Variants in PELP1 observed in about 807,000 individuals in gnomAD.
PELP1 encodes proline, glutamate and leucine rich protein 1.
PELP1 carries 32 observed loss-of-function variants against 95.5 expected under a neutral mutation model. The ratio of observed to expected loss-of-function variants is 0.34; its 90% CI spans 0.25 to 0.45. The LOEUF is 0.45. Ranked by LOEUF, PELP1 falls within the 20% of genes least tolerant of loss-of-function variation. The pLI, the probability that PELP1 is intolerant of heterozygous loss-of-function variation, is 1.00. For synonymous variants in PELP1, 668 were observed against 600.1 expected (o/e 1.11, Z -1.65); for missense variants, 1,358 against 1,444.8 (o/e 0.94, Z 0.97).
chr17:4,676,517 A>G lies in PELP1; in HGVS notation c.703-10T>C. On this transcript the variant is annotated splice_polypyrimidine_tract_variant and intron_variant, in intron 6 of 16. Coordinates refer to ENST00000572293, the MANE Select transcript of PELP1 (RefSeq NM_014389.3). ...AACACTCACAGGCCAACTGCGGGAG[A>G]AAGGACAGAAACCTGGTCAGATGGG... 6.2e-7 allele frequency: 1 copy of G among 1,613,218 alleles called. No homozygotes were observed. Among genetic ancestry groups the G allele is most frequent in the Non-Finnish European group, 8.5e-7 (1 of 1,179,642 alleles).
At chr17:4,694,356 AG>A (rs1363876472) in intron 1 of PELP1, among the ~76,000 whole-genome samples, 1 of 150,988 alleles carries the variant, frequency 6.6e-6, no homozygotes, top group East Asian at 1.9e-4. Context: ...GTATACTCTA[AG>A]TGAGTGAACT....
intron 1 of PELP1, among the ~76,000 whole-genome samples, chr17:4,702,199 G>A (rs777203630): frequency 3.3e-5 from 5 of 152,122 alleles, no homozygotes; most frequent in Non-Finnish European, 7.4e-5. Flanking sequence ...CAAGTGAATC[G>A]CCTGAACTCG....
Position 4,673,325 on chromosome 17 carries a change from C to T in PELP1, c.1770G>A (p.Pro590=), listed in dbSNP as rs55677157. ...YCLLLALLLA[P]SPRCPPPLAC... ...CAAGAGGAGGTGGGCAGCGAGGAGA[C>T]GGGGCCAGCAGCAGCGCCAGCAGCA... Residue 590 remains proline, a synonymous_variant, in exon 15 of 17, where the codon CCG becomes CCA. Transcript: ENST00000572293. The surrounding 1 kb of genome is among the most constrained non-coding windows in gnomAD (Gnocchi z 5.7). The T allele has an allele frequency of 0.2, 318,384 of 1,588,684 alleles. 35,181 individuals carry two copies. Among genetic ancestry groups the T allele is most frequent in the Non-Finnish European group, 0.23 (269,448 of 1,167,410 alleles).
Position 4,672,757 on chromosome 17 carries a change from G to C in PELP1, c.2234C>G (p.Thr745Ser). The C allele has an allele frequency of 6.2e-7, 1 of 1,613,546 alleles. No individual in the cohort carries two copies. Among genetic ancestry groups the C allele is most frequent in the Non-Finnish European group, 8.5e-7 (1 of 1,179,616 alleles). ...ATCTGGGGGTATAGTAGGTGGGGGA[G>C]TCCCACTAGGGGCAAGGATGGGGTC... ...NEDPILAPSG[T>S]PPPTIPPDET... The change falls in exon 16 of 17, where the codon ACT becomes AGT. Residue 745 changes from threonine to serine, a missense_variant. Coordinates refer to ENST00000572293, the MANE Select transcript of PELP1 (RefSeq NM_014389.3).
intron 5 of PELP1, among the ~76,000 whole-genome samples, chr17:4,677,209 G>C (rs985409894): frequency 6.6e-6 from 1 of 152,134 alleles, no homozygotes; most frequent in Non-Finnish European, 1.5e-5. Flanking sequence ...ACACTAACCA[G>C]AGGTATGAGG....
Position 4,682,520 on chromosome 17 carries a change from C to T in PELP1, c.624G>A (p.Arg208=). ...GMKACMTYFP[R]ACGSLKGKLA... ...TACTTACTTTGAGAGAACCACAAGC[C>T]CGAGGGAAATAGGTCATACAAGCCT... The change falls in exon 5 of 17, where the codon CGG becomes CGA. Residue 208 remains arginine (R), a synonymous_variant. Transcript: ENST00000572293. 1 of 1,611,954 alleles carries T rather than the reference C, an allele frequency of 6.2e-7. No individual in the cohort carries two copies. The highest frequency in any genetic ancestry group is 1.1e-5 in the South Asian group (1 of 91,056).
In PELP1 at chr17:4,672,007, A is replaced by G; in HGVS notation, c.2984T>C (p.Val995Ala). ...GGGTTCAGGTTCGGGTTCTGGCTGC[A>G]CCTTTGGGGGAGACTCAGGGGGAGG... Reference protein sequence around the residue: ...ALPPPESPPKVQPEPEPEPGL... With the variant: ...ALPPPESPPKAQPEPEPEPGL... The change falls in exon 16 of 17, where the codon GTG becomes GCG. Residue 995 changes from valine (V) to alanine (A), a missense_variant. Physicochemically the swap from Val to Ala is moderately conservative, Grantham distance 64. Coordinates refer to ENST00000572293, the MANE Select transcript of PELP1 (RefSeq NM_014389.3). The G allele has an allele frequency of 6.4e-7, 1 of 1,563,308 alleles. No homozygotes were observed. The highest frequency in any genetic ancestry group is 8.6e-7 in the Non-Finnish European group (1 of 1,158,178).
At chr17:4,689,700 C>T (rs1356446008) in intron 3 of PELP1, among the ~76,000 whole-genome samples, 5 of 152,174 alleles carry the variant, frequency 3.3e-5, no homozygotes, top group Non-Finnish European at 5.9e-5. Context: ...GTGGAACCAG[C>T]CTAAATACCC....
At chr17:4,687,320 A>G (rs4447482) in intron 3 of PELP1, among the ~76,000 whole-genome samples, 148,693 of 152,102 alleles carry the variant, frequency 0.98, 72,763 homozygotes, top group Middle Eastern at 1. Flanking sequence ...CAAGGTGGGC[A>G]GATCATGAGG....
At chr17:4,686,549 G>A (rs1419427233) in intron 3 of PELP1, among the ~76,000 whole-genome samples, 3 of 151,934 alleles carry the variant, frequency 2.0e-5, no homozygotes, top group Admixed American at 6.6e-5. Context: ...ATGGAGTCTC[G>A]CTCTGTCACC....
In PELP1 at chr17:4,672,427, A is replaced by T; in HGVS notation, c.2564T>A (p.Leu855His). The change falls in exon 16 of 17, where the codon CTC becomes CAC. Residue 855 changes from leucine (L) to histidine (H), a missense_variant. Leu to His is a moderately conservative substitution (Grantham distance 99, BLOSUM62 -3). Around this residue, in one of 7 missense-constraint regions of PELP1, gnomAD observed 340 missense variants for 322.9 expected, o/e 1.05. Coordinates refer to ENST00000572293, the MANE Select transcript of PELP1 (RefSeq NM_014389.3). ...TTCAGGGACCAACTGGGGTGGAGGG[A>T]GCGTCACAGGACCAGGAACAGGCGG... Reference protein sequence around the residue: ...PPPPVPGPVTLPPPQLVPEGT... With the variant: ...PPPPVPGPVTHPPPQLVPEGT... 1 of 1,568,660 alleles carries T rather than the reference A, an allele frequency of 6.4e-7. No homozygotes were observed. The highest frequency in any genetic ancestry group is 8.6e-7 in the Non-Finnish European group (1 of 1,157,080).
rs1912394635 is a variant in PELP1 at position 4,674,900 on chromosome 17, G to A, written c.1331C>T (p.Ala444Val). ...TCCTCCCTGAAGCATTCCCGCCGAG[G>A]CCCCACAAACCTGCACCCACAGCTC... is the stretch of plus-strand genomic sequence containing the variant. ...ILELWVQVCG[A>V]SAGMLQGGAS... The change falls in exon 12 of 17, where the codon GCC (alanine) becomes GTC (valine). Residue 444 changes from alanine to valine, a missense_variant. Physicochemically the swap from Ala to Val is moderately conservative, Grantham distance 64. This residue lies in a region of PELP1 where 538 missense variants were observed against 628.1 expected (regional missense o/e 0.86). Transcript: ENST00000572293. The A allele has an allele frequency of 6.2e-7, 1 of 1,613,742 alleles. No homozygotes were observed. The highest frequency in any genetic ancestry group is 1.1e-5 in the South Asian group (1 of 91,078).
chr17:4,671,028 G>A lies in PELP1; in HGVS notation c.*411C>T, dbSNP rs966488218. On this transcript the variant is annotated 3_prime_UTR_variant, in exon 17 of 17. Transcript: ENST00000572293. ...CCTTTCAGACCAAGGGGCTGAGCAC[G>A]CATGCGTGTGGGCATGTGGGTGTTG... 6 of 208,140 alleles carry A rather than the reference G, an allele frequency of 2.9e-5. No individual in the cohort carries two copies. Among genetic ancestry groups the A allele is most frequent in the East Asian group, 1.5e-4 (1 of 6,824 alleles). 12.9% of individuals were successfully genotyped at this position (208,140 alleles called of 1,614,324 possible). A position where few individuals can be genotyped will look rare whatever the true frequency, so the allele number is the denominator to read the frequency against.
intron 5 of PELP1, among the ~76,000 whole-genome samples, chr17:4,678,898 G>A (rs1044890227): frequency 6.6e-6 from 1 of 152,172 alleles, no homozygotes; most frequent in African/African-American, 2.4e-5. Context: ...GTTTTCCTAA[G>A]TACTAGTCTG....
rs371654093 is a variant in PELP1 at position 4,683,442 on chromosome 17, G to A, written c.421-490C>T. 1.2e-3 allele frequency among the ~76,000 whole-genome samples: 179 copies of A among 150,192 alleles called. 2 individuals are homozygous for A. The highest frequency in any genetic ancestry group is 3.5e-3 in the Middle Eastern group (1 of 286). On this transcript the variant is annotated intron_variant, in intron 3 of 16. Transcript: ENST00000572293. ...TCACTATGTTAGCCAGGATGGTCTC[G>A]ATCTCCGACCTCGTGATCTGCCCGC...
chr17:4,692,660 G>C (rs1428022149), intron 1 of PELP1, among the ~76,000 whole-genome samples: 1 of 152,074 alleles, frequency 6.6e-6, no homozygotes, highest in Non-Finnish European at 1.5e-5. Context: ...AGTGCCCAGA[G>C]TAGGCAAAGG....
At chr17:4,694,324 A>T (rs1295884459) in intron 1 of PELP1, among the ~76,000 whole-genome samples, 5 of 151,850 alleles carry the variant, frequency 3.3e-5, no homozygotes, top group Non-Finnish European at 5.9e-5. Flanking sequence ...CAACTCTGCA[A>T]ATATACTAAA....
intron 5 of PELP1, among the ~76,000 whole-genome samples, chr17:4,681,151 C>T (rs1018700370): frequency 4.6e-5 from 7 of 152,146 alleles, no homozygotes; most frequent in Admixed American, 3.3e-4. Flanking sequence ...AGTGATATGT[C>T]AGAAAGCATT....
intron 5 of PELP1, among the ~76,000 whole-genome samples, chr17:4,681,692 C>T (rs1013318640): frequency 4.6e-5 from 7 of 151,966 alleles, no homozygotes; most frequent in African/African-American, 1.2e-4. Flanking sequence ...CCCAGCTACT[C>T]GGGAGGCTGA....
Sources: allele counts gnomAD v4.1 joint callset (sites outside exome capture counted in the v4.1 genomes callset), GRCh38; gene constraint gnomAD v4.1.1; regional missense constraint gnomAD v4.1.1; non-coding constraint Gnocchi (gnomAD v3.1); transcripts MANE v1.5; gene names NCBI Gene and HGNC (gene_info 2026-07-23, HGNC 2026-07-21).